CLMP: variants seen among roughly 807,000 people sequenced by gnomAD.
The protein encoded by CLMP is CXADR-like membrane protein.
Under a neutral mutation model 45.2 loss-of-function variants are expected in CLMP, and 27 were observed. That is an observed-to-expected ratio of 0.60 (90% confidence interval 0.44 to 0.82). CLMP has a LOEUF of 0.82. CLMP is among the 40% of genes least tolerant of loss of function. The probability of loss-of-function intolerance (pLI) is 0.00; values close to 1 mark genes in which losing one functional copy is unlikely to be tolerated. For missense variants in CLMP, 403 were observed against 448.4 expected (o/e 0.90, Z 0.91); for synonymous variants, 167 against 171.4 (o/e 0.97, Z 0.20).
In CLMP at chr11:123,109,656, A is replaced by G. The variant is rs182129734; in HGVS notation, c.29-11704T>C. Among the ~76,000 whole-genome samples, 561 of 152,332 alleles carry G rather than the reference A, an allele frequency of 3.7e-3. 1 individual carries two copies. Among genetic ancestry groups the G allele is most frequent in the Non-Finnish European group, 6.6e-3 (450 of 68,038 alleles). On this transcript the variant is annotated intron_variant, in intron 1 of 6. Coordinates refer to ENST00000448775, the MANE Select transcript of CLMP (RefSeq NM_024769.5). ...TGGGATTCTGACCCAAAGCAAGAAGAAATTGAATGGAAGCAAATGTTAAAG... is the reference window on the plus strand; with the variant it reads ...TGGGATTCTGACCCAAAGCAAGAAGGAATTGAATGGAAGCAAATGTTAAAG...
At chr11:123,085,806 C>A (rs1865859605) in intron 2 of CLMP, among the ~76,000 whole-genome samples, 1 of 146,116 alleles carries the variant, frequency 6.8e-6, no homozygotes. Context: ...GATAGAGTCT[C>A]ACTCTTGTCG....
intron 1 of CLMP, among the ~76,000 whole-genome samples, chr11:123,165,242 G>C (rs80011043): frequency 0.026 from 4,034 of 152,238 alleles, 185 homozygotes; most frequent in African/African-American, 0.092. Context: ...GCTAACCTTG[G>C]TATAAACAGG....
At chr11:123,090,261 T>C (rs568402319) in intron 2 of CLMP, among the ~76,000 whole-genome samples, 95 of 145,556 alleles carry the variant, frequency 6.5e-4, no homozygotes, top group Non-Finnish European at 1.2e-3. Flanking sequence ...CTGGCCAACA[T>C]TGCGAAACCC....
intron 1 of CLMP, among the ~76,000 whole-genome samples, chr11:123,107,483 A>T (rs935669122): frequency 1.3e-5 from 2 of 151,158 alleles, no homozygotes; most frequent in African/African-American, 4.9e-5. Flanking sequence ...CTCCCACTTC[A>T]GCCTCCCAAA....
chr11:123,190,166 C>G (rs1252058343), intron 1 of CLMP, among the ~76,000 whole-genome samples: 1 of 152,094 alleles, frequency 6.6e-6, no homozygotes, highest in Non-Finnish European at 1.5e-5. Context: ...ACTGAACTTC[C>G]TGGGTGGGGG....
chr11:123,073,665 C>A lies in CLMP; in HGVS notation c.931G>T (p.Ala311Ser). The change falls in exon 7 of 7, where the codon GCC becomes TCC. Residue 311 changes from alanine to serine, a missense_variant. Physicochemically the swap from Ala to Ser is moderately conservative, Grantham distance 99 (BLOSUM62 1). Coordinates refer to ENST00000448775, the MANE Select transcript of CLMP (RefSeq NM_024769.5). ...GACAGTGTCCGCTGGCTGCGTGAGG[C>A]ACTATTTGCTGTGGAGCGAGTGGAG... The part of the protein sequence containing the change: ...SSSTRSTANS[A>S]SRSQRTLSTD... 1 of 1,614,184 alleles carries A rather than the reference C, an allele frequency of 6.2e-7. No individual in the cohort carries two copies. The highest frequency in any genetic ancestry group is 8.5e-7 in the Non-Finnish European group (1 of 1,180,042).
Position 123,128,318 on chromosome 11 carries a change from C to A in CLMP, c.29-30366G>T, listed in dbSNP as rs557294188. 5.3e-5 allele frequency among the ~76,000 whole-genome samples: 8 copies of A among 151,816 alleles called. No individual in the cohort carries two copies. In the East Asian group the frequency reaches 1.6e-3, roughly 29 times the overall value. ...ACAAAAACAAAGTAGGACTACAAGG[C>A]GGGCATGGTGGCTCAGGCCTGTAAT... On this transcript the variant is annotated intron_variant, in intron 1 of 6. Coordinates refer to ENST00000448775, the MANE Select transcript of CLMP (RefSeq NM_024769.5).
intron 2 of CLMP, among the ~76,000 whole-genome samples, chr11:123,094,194 A>C (rs1193317927): frequency 3.3e-5 from 5 of 152,040 alleles, no homozygotes; most frequent in African/African-American, 1.2e-4. Context: ...TGCAGCCTCG[A>C]CTTCCCATGC....
intron 1 of CLMP, among the ~76,000 whole-genome samples, chr11:123,156,013 C>T (rs1861409022): frequency 6.6e-6 from 1 of 152,128 alleles, no homozygotes; most frequent in African/African-American, 2.4e-5. Context: ...CCCAAAAATT[C>T]ATATGTTGAA....
intron 1 of CLMP, among the ~76,000 whole-genome samples, chr11:123,157,913 T>C (rs904983189): frequency 8.5e-5 from 13 of 152,150 alleles, no homozygotes; most frequent in Middle Eastern, 3.4e-3. Context: ...AGTGATATTT[T>C]GGAACCAACA....
chr11:123,090,978 C>T (rs1381792999), intron 2 of CLMP, among the ~76,000 whole-genome samples: 2 of 152,132 alleles, frequency 1.3e-5, no homozygotes, highest in Non-Finnish European at 1.5e-5. Context: ...ACTAGAAGGT[C>T]AGAGGCCAAA....
chr11:123,178,250 C>T (rs1309870678), intron 1 of CLMP, among the ~76,000 whole-genome samples: 1 of 152,210 alleles, frequency 6.6e-6, no homozygotes, highest in Non-Finnish European at 1.5e-5. Context: ...GGCTCTACTC[C>T]TCTGCCCAGA....
chr11:123,187,076 G>A (rs781031532), intron 1 of CLMP, among the ~76,000 whole-genome samples: 2 of 152,112 alleles, frequency 1.3e-5, no homozygotes, highest in African/African-American at 4.8e-5. Context: ...AAACTCTTAC[G>A]CATCACCTCA....
At chr11:123,124,188 CT>C (rs1239969293) in intron 1 of CLMP, among the ~76,000 whole-genome samples, 2 of 151,914 alleles carry the variant, frequency 1.3e-5, no homozygotes, top group Non-Finnish European at 2.9e-5. Flanking sequence ...CTTTTTCTTT[CT>C]TTTTTTGTAG....
chr11:123,134,364 C>T (rs1197121188), intron 1 of CLMP, among the ~76,000 whole-genome samples: 1 of 152,130 alleles, frequency 6.6e-6, no homozygotes, highest in East Asian at 1.9e-4. Context: ...TTCTCCTACA[C>T]TCCCCTTGAA....
At chr11:123,175,243 G>A (rs1861683201) in intron 1 of CLMP, among the ~76,000 whole-genome samples, 1 of 150,536 alleles carries the variant, frequency 6.6e-6, no homozygotes, top group African/African-American at 2.5e-5. Context: ...CGTAGCTGGG[G>A]AGGCCTCAGG....
At chr11:123,137,738 CAAAG>C (rs1197888927) in intron 1 of CLMP, among the ~76,000 whole-genome samples, 1 of 152,120 alleles carries the variant, frequency 6.6e-6, no homozygotes, top group African/African-American at 2.4e-5. Flanking sequence ...TCCTCGCAAA[CAAAG>C]AAGTCAGTTG....
intron 1 of CLMP, among the ~76,000 whole-genome samples, chr11:123,149,782 TCTTTCTTC>T (rs1015308321): frequency 2.2e-5 from 3 of 138,682 alleles, no homozygotes; most frequent in African/African-American, 9.1e-5. Context: ...TTTCTTTCTT[TCTTTCTTC>T]CTTTCTTTCT....
intron 1 of CLMP, among the ~76,000 whole-genome samples, chr11:123,127,829 G>A (rs139761229): frequency 0.015 from 2,303 of 152,210 alleles, 55 homozygotes; most frequent in African/African-American, 0.051. Context: ...CTGAGGTTAG[G>A]AGTTCGACAC....
Sources: allele counts gnomAD v4.1 joint callset (sites outside exome capture counted in the v4.1 genomes callset), GRCh38; gene constraint gnomAD v4.1.1; transcripts MANE v1.5; gene names NCBI Gene and HGNC (gene_info 2026-07-23, HGNC 2026-07-21).